The following PDCD10 variants were observed in gnomAD, a reference collection of about 807,000 sequenced individuals.
The protein encoded by PDCD10 is programmed cell death 10, also known as programmed cell death protein 10.
PDCD10 carries 4 observed loss-of-function variants against 29.2 expected under a neutral mutation model. That is an observed-to-expected ratio of 0.14 (90% confidence interval 0.07 to 0.31). The LOEUF is 0.31. Ranked by LOEUF, PDCD10 falls within the 10% of genes least tolerant of loss-of-function variation. The pLI is 1.00. For synonymous variants in PDCD10, 70 were observed against 82.2 expected (o/e 0.85, Z 0.80); for missense variants, 183 against 257.9 (o/e 0.71, Z 1.99).
At chr3:167,696,486 T>C (rs1258569462) in intron 5 of PDCD10, among the ~76,000 whole-genome samples, 2 of 152,180 alleles carry the variant, frequency 1.3e-5, no homozygotes, top group Non-Finnish European at 2.9e-5. Context: ...TATATGTCCA[T>C]ATTTTTCTAA....
At chr3:167,703,946 A>G (rs2108435417) in intron 4 of PDCD10, among the ~76,000 whole-genome samples, 1 of 152,332 alleles carries the variant, frequency 6.6e-6, no homozygotes, top group South Asian at 2.1e-4. Flanking sequence ...AGTCTTCAAA[A>G]TCTGTGTGTA....
intron 3 of PDCD10, among the ~76,000 whole-genome samples, chr3:167,708,763 A>T (rs1722249030): frequency 1.3e-5 from 2 of 152,240 alleles, no homozygotes; most frequent in Admixed American, 1.3e-4. Context: ...CAAAAAAGGT[A>T]AGCAGAACCA....
intron 3 of PDCD10, among the ~76,000 whole-genome samples, chr3:167,707,745 A>T (rs1025897162): frequency 1.3e-5 from 2 of 152,194 alleles, no homozygotes; most frequent in Non-Finnish European, 2.9e-5. Flanking sequence ...CTTAGTAGTA[A>T]CTGACAGTGC....
Position 167,720,134 on chromosome 3 carries a change from C to T in PDCD10, c.24G>A (p.Met8Ile). Reference protein sequence around the residue: MRMTMEEMKNEAETTSMV... With the variant: MRMTMEEIKNEAETTSMV... ...TGGATGTGGTCTCAGCTTCATTCTT[C>T]ATCTCTTCCATTGTCATCCTCATTC... The change falls in exon 3 of 9, where the codon ATG becomes ATA. Residue 8 changes from methionine (M) to isoleucine (I), a missense_variant. Coordinates refer to ENST00000392750, the MANE Select transcript of PDCD10 (RefSeq NM_007217.4). 1 of 1,611,834 alleles carries T rather than the reference C, an allele frequency of 6.2e-7. No individual in the cohort carries two copies. Among genetic ancestry groups the T allele is most frequent in the South Asian group, 1.1e-5 (1 of 91,018 alleles).
intron 3 of PDCD10, among the ~76,000 whole-genome samples, chr3:167,709,580 A>G (rs1722325420): frequency 6.6e-6 from 1 of 152,156 alleles, no homozygotes. Context: ...CCGATCCAAG[A>G]GGTTGGAAAT....
intron 2 of PDCD10, among the ~76,000 whole-genome samples, chr3:167,724,757 GATA>G (rs901961515): frequency 2.6e-5 from 4 of 152,180 alleles, no homozygotes; most frequent in Non-Finnish European, 5.9e-5. Flanking sequence ...AAAATTCAGT[GATA>G]ATAAGACTTC....
At chr3:167,707,541 C>T (rs1447385686) in intron 3 of PDCD10, among the ~76,000 whole-genome samples, 2 of 151,784 alleles carry the variant, frequency 1.3e-5, no homozygotes, top group Non-Finnish European at 2.9e-5. Context: ...ATTAGCTGGG[C>T]GTGGTGGCAG....
In PDCD10 at chr3:167,734,357, G is replaced by A. The variant is rs1206746370; in HGVS notation, c.-253-7C>T. On this transcript the variant is annotated splice_region_variant and splice_polypyrimidine_tract_variant and intron_variant, in intron 1 of 8. Transcript: ENST00000392750. ...CTTCCAGTGCTCCTCTTCCCTCAAA[G>A]GGCATAACCCGAGTCACCCCCAAGA... 3 of 152,410 alleles carry A rather than the reference G, an allele frequency of 2.0e-5. No individual in the cohort carries two copies. The highest frequency in any genetic ancestry group is 1.9e-4 in the East Asian group (1 of 5,196). The allele number at this position is 152,410 out of a possible 1,614,324, so 9.4% of individuals were successfully genotyped here.
intron 6 of PDCD10, among the ~76,000 whole-genome samples, chr3:167,688,205 A>G (rs935927767): frequency 3.9e-5 from 6 of 152,148 alleles, no homozygotes; most frequent in African/African-American, 1.4e-4. Context: ...GTTTAACATA[A>G]AATATTTCCT....
intron 6 of PDCD10, among the ~76,000 whole-genome samples, chr3:167,692,527 G>C (rs1403719798): frequency 6.6e-6 from 1 of 152,166 alleles, no homozygotes; most frequent in Non-Finnish European, 1.5e-5. Flanking sequence ...ACTTGTACCA[G>C]ATTAAAAATA....
At chr3:167,717,718 A>G (rs1197627988) in intron 3 of PDCD10, among the ~76,000 whole-genome samples, 1 of 152,064 alleles carries the variant, frequency 6.6e-6, no homozygotes, top group Non-Finnish European at 1.5e-5. Flanking sequence ...TCATCTCCAT[A>G]TCAAAGAGGA....
rs147071945 is a variant in PDCD10, at chr3:167,697,082, T to C, written c.195A>G (p.Lys65=). Residue 65 remains lysine, a synonymous_variant, in exon 5 of 9, where the codon AAA becomes AAG. Transcript: ENST00000392750. ...CTTCCACGCTTTTTTTCTCTAAAATTTTCATAATGATGTCTTGTGTGAGAC... is the reference window on the plus strand; with the variant it reads ...CTTCCACGCTTTTTTTCTCTAAAATCTTCATAATGATGTCTTGTGTGAGAC... ...NPGLTQDIIM[K]ILEKKSVEVN... is the part of the protein sequence containing the mutation. 6.8e-6 allele frequency: 11 copies of C among 1,611,386 alleles called. No homozygotes were observed. The African/African-American group carries it at 1.5e-4, about 21-fold the overall frequency.
chr3:167,691,753 C>A, intron 6 of PDCD10, among the ~76,000 whole-genome samples: 1 of 152,188 alleles, frequency 6.6e-6, no homozygotes. Context: ...TTTCAATCTC[C>A]AGATTACATC....
chr3:167,685,735 C>A (rs1719550131), intron 8 of PDCD10, among the ~76,000 whole-genome samples: 1 of 152,078 alleles, frequency 6.6e-6, no homozygotes. Flanking sequence ...ATAATCCCAT[C>A]ATGTAAATTA....
intron 4 of PDCD10, among the ~76,000 whole-genome samples, chr3:167,701,313 A>G (rs772026598): frequency 3.3e-5 from 5 of 152,136 alleles, no homozygotes; most frequent in African/African-American, 7.2e-5. Context: ...GATATCAGAT[A>G]TATATATAGA....
intron 6 of PDCD10, among the ~76,000 whole-genome samples, chr3:167,690,597 A>G (rs1456636090): frequency 6.6e-6 from 1 of 152,206 alleles, no homozygotes; most frequent in Non-Finnish European, 1.5e-5. Flanking sequence ...ATTTTATAAC[A>G]TATTTGCATA....
Position 167,723,015 on chromosome 3 carries a change from T to C in PDCD10, c.-116-2742A>G, listed in dbSNP as rs1435953648. Among the ~76,000 whole-genome samples, 3 of 152,244 alleles carry C rather than the reference T, an allele frequency of 2.0e-5. No individual in the cohort carries two copies. The East Asian group carries it at 5.8e-4, about 29-fold the overall frequency. ...TGGCTGGCCTATGGCATACATGCCA[T>C]CTTTTAATACTGTTCTTATGAAAAA... On this transcript the variant is annotated intron_variant, in intron 2 of 8. Coordinates refer to ENST00000392750, the MANE Select transcript of PDCD10 (RefSeq NM_007217.4).
chr3:167,719,249 A>G (rs1217331571), intron 3 of PDCD10, among the ~76,000 whole-genome samples: 1 of 152,190 alleles, frequency 6.6e-6, no homozygotes, highest in East Asian at 1.9e-4. Context: ...AATTAGATTA[A>G]TAAAATAGCA....
intron 6 of PDCD10, among the ~76,000 whole-genome samples, chr3:167,695,248 G>A (rs970994457): frequency 3.9e-5 from 6 of 152,258 alleles, no homozygotes; most frequent in Admixed American, 2.6e-4. Flanking sequence ...AATGACTGCT[G>A]CTATTTCTGA....
Sources: gnomAD v4.1 joint callset for allele counts (sites outside exome capture counted in the v4.1 genomes callset) on GRCh38, gnomAD v4.1.1 for gene constraint, MANE v1.5 for transcripts, NCBI Gene and HGNC (gene_info 2026-07-23, HGNC 2026-07-21) for gene names.